The following KIAA1328 variants were observed in gnomAD, a reference collection of about 807,000 sequenced individuals.
KIAA1328 encodes protein hinderin.
KIAA1328 carries 52 observed loss-of-function variants against 68.1 expected under a neutral mutation model. That is an observed-to-expected ratio of 0.76 (90% CI 0.61 to 0.96). KIAA1328 has a LOEUF of 0.96. Ranked by LOEUF, KIAA1328 falls within the 40% of genes least tolerant of loss-of-function variation. The pLI, the probability that KIAA1328 is intolerant of heterozygous loss-of-function variation, is 0.00. For missense variants in KIAA1328, 641 were observed against 677.6 expected (o/e 0.95, Z 0.60); for synonymous variants, 232 against 239.4 (o/e 0.97, Z 0.28).
At chr18:36,900,340 G>A (rs1318015632) in intron 5 of KIAA1328, among the ~76,000 whole-genome samples, 1 of 151,938 alleles carries the variant, frequency 6.6e-6, no homozygotes, top group Admixed American at 6.6e-5. Flanking sequence ...CAAGGCCCAT[G>A]ATGGTAATGC....
At chr18:37,213,934 G>T (rs1051640335) in intron 9 of KIAA1328, among the ~76,000 whole-genome samples, 3 of 152,170 alleles carry the variant, frequency 2.0e-5, no homozygotes, top group Admixed American at 1.3e-4. Flanking sequence ...TCTGTTGGCT[G>T]CATAAATGTC....
chr18:36,870,581 T>C (rs1027908644), intron 4 of KIAA1328, among the ~76,000 whole-genome samples: 1 of 152,216 alleles, frequency 6.6e-6, no homozygotes, highest in Non-Finnish European at 1.5e-5. Flanking sequence ...GATTTATTTC[T>C]TTTTAACTTT....
At chr18:37,128,244 G>T (rs1460645220) in intron 7 of KIAA1328, among the ~76,000 whole-genome samples, 3 of 152,108 alleles carry the variant, frequency 2.0e-5, no homozygotes, top group African/African-American at 7.2e-5. Flanking sequence ...CAAGGTTGGT[G>T]GATCACTTGA....
intron 5 of KIAA1328, among the ~76,000 whole-genome samples, chr18:36,922,711 A>T (rs1311539450): frequency 6.6e-6 from 1 of 152,174 alleles, no homozygotes; most frequent in Non-Finnish European, 1.5e-5. Flanking sequence ...AAAATAAAAA[A>T]CTTTTTAACT....
chr18:36,954,608 C>T (rs1247555637), intron 5 of KIAA1328: 2 of 151,230 alleles, frequency 1.3e-5, no homozygotes, highest in African/African-American at 4.9e-5. Flanking sequence ...TTACATTGGG[C>T]GTTCTAAAAT....
chr18:37,222,537 G>C lies in KIAA1328; in HGVS notation c.*310G>C. The C allele has an allele frequency of 1.3e-5, 15 of 1,125,906 alleles. No individual in the cohort carries two copies. The highest frequency in any genetic ancestry group is 1.6e-5 in the Non-Finnish European group (15 of 917,482). 69.7% of individuals were successfully genotyped at this position (1,125,906 alleles called of 1,614,324 possible). On this transcript the variant is annotated 3_prime_UTR_variant, in exon 10 of 10. Coordinates refer to ENST00000280020, the MANE Select transcript of KIAA1328 (RefSeq NM_020776.3). The stretch of plus-strand genomic sequence containing the variant: ...CATTGCATATTCAGCCTCATTTCAA[G>C]AGTGTTTCCTTCTCAAACTTCTGCT...
At chr18:36,884,498 G>A (rs1225476016) in intron 4 of KIAA1328, among the ~76,000 whole-genome samples, 2 of 152,162 alleles carry the variant, frequency 1.3e-5, no homozygotes, top group Non-Finnish European at 2.9e-5. Context: ...GAACATTCAT[G>A]ATTCTAATTT....
chr18:37,097,061 A>G (rs1195490774), intron 7 of KIAA1328, among the ~76,000 whole-genome samples: 1 of 152,158 alleles, frequency 6.6e-6, no homozygotes, highest in Non-Finnish European at 1.5e-5. Flanking sequence ...TTTGCTGTGC[A>G]GAAGCTCTTT....
At chr18:37,077,264 G>A (rs1160885059) in intron 7 of KIAA1328, among the ~76,000 whole-genome samples, 2 of 131,748 alleles carry the variant, frequency 1.5e-5, no homozygotes, top group African/African-American at 3.9e-5. Context: ...TGCAGAACAG[G>A]CCTTTGACAA....
intron 8 of KIAA1328, among the ~76,000 whole-genome samples, chr18:37,165,366 G>A (rs528422532): frequency 5.3e-5 from 8 of 151,790 alleles, no homozygotes; most frequent in South Asian, 4.2e-4. Context: ...GTCTTTCACC[G>A]TTAAGTATGA....
At chr18:36,961,667 T>G (rs535348821) in intron 6 of KIAA1328, among the ~76,000 whole-genome samples, 10 of 152,210 alleles carry the variant, frequency 6.6e-5, no homozygotes, top group Non-Finnish European at 1.2e-4. Flanking sequence ...ATCTTCAACA[T>G]TCTTAAAGAA....
rs765914912 is a variant in KIAA1328, at chr18:36,994,881, A to G, written c.576+35446A>G. Among the ~76,000 whole-genome samples, 86 of 152,246 alleles carry G rather than the reference A, an allele frequency of 5.6e-4. 1 individual carries two copies. The highest frequency in any genetic ancestry group is 1.9e-3 in the African/African-American group (78 of 41,548). ...TTCCTGAGCCAATAGCAGTTAGCCT[A>G]CTTGTGAATTAGGTTTCTGATTTGT... On this transcript the variant is annotated intron_variant, in intron 6 of 9. Transcript: ENST00000280020.
intron 5 of KIAA1328, among the ~76,000 whole-genome samples, chr18:36,888,004 G>A (rs1438651402): frequency 6.6e-6 from 1 of 152,176 alleles, no homozygotes; most frequent in Admixed American, 6.5e-5. Flanking sequence ...TCTAACTCAA[G>A]TAGACTGTTA....
intron 6 of KIAA1328, among the ~76,000 whole-genome samples, chr18:36,978,474 A>C (rs573220030): frequency 6.6e-6 from 1 of 152,354 alleles, no homozygotes; most frequent in African/African-American, 2.4e-5. Context: ...CTGTGTAAGC[A>C]GGACATTCTA....
At chr18:36,870,588 C>A (rs1355839636) in intron 4 of KIAA1328, among the ~76,000 whole-genome samples, 1 of 152,242 alleles carries the variant, frequency 6.6e-6, no homozygotes, top group East Asian at 1.9e-4. Context: ...TTCTTTTTAA[C>A]TTTTTATTTG....
intron 7 of KIAA1328, among the ~76,000 whole-genome samples, chr18:37,073,456 A>AT (rs1332447535): frequency 6.6e-6 from 1 of 152,240 alleles, no homozygotes; most frequent in African/African-American, 2.4e-5. Flanking sequence ...CCACAATGCG[A>AT]TACCATCTCA....
intron 9 of KIAA1328, among the ~76,000 whole-genome samples, chr18:37,189,503 C>T (rs566219685): frequency 1.3e-5 from 2 of 152,138 alleles, no homozygotes; most frequent in Non-Finnish European, 2.9e-5. Flanking sequence ...AGCTATTTAA[C>T]ATTAATTTCT....
intron 5 of KIAA1328, among the ~76,000 whole-genome samples, chr18:36,926,881 G>C (rs1415472656): frequency 6.6e-6 from 1 of 152,180 alleles, no homozygotes; most frequent in Non-Finnish European, 1.5e-5. Flanking sequence ...CCCGGCATCT[G>C]CTTCTTCTAA....
chr18:37,021,426 A>G (rs1028162386), intron 6 of KIAA1328, among the ~76,000 whole-genome samples: 5 of 152,224 alleles, frequency 3.3e-5, no homozygotes, highest in Non-Finnish European at 5.9e-5. Context: ...ACTAGTTTCA[A>G]TCAATATGTT....
Sources: gnomAD v4.1 joint callset for allele counts (sites outside exome capture counted in the v4.1 genomes callset) on GRCh38, gnomAD v4.1.1 for gene constraint, MANE v1.5 for transcripts, NCBI Gene and HGNC (gene_info 2026-07-23, HGNC 2026-07-21) for gene names.